The following HIBADH variants were observed in gnomAD, a reference collection of about 807,000 sequenced individuals.
The protein encoded by HIBADH is 3-hydroxyisobutyrate dehydrogenase, mitochondrial.
HIBADH carries 25 observed loss-of-function variants against 36.1 expected under a neutral mutation model. That is an observed-to-expected ratio of 0.69 (90% CI 0.50 to 0.97). The LOEUF is 0.97. Among genes scored for constraint, HIBADH ranks in the 50% least tolerant of loss-of-function variants. The pLI, the probability that HIBADH is intolerant of heterozygous loss-of-function variation, is 0.00. For missense variants in HIBADH, 421 were observed against 418.0 expected (o/e 1.01, Z -0.06); for synonymous variants, 160 against 149.5 (o/e 1.07, Z -0.51).
chr7:27,596,314 C>T (rs1367204466), intron 4 of HIBADH, among the ~76,000 whole-genome samples: 1 of 152,172 alleles, frequency 6.6e-6, no homozygotes, highest in Non-Finnish European at 1.5e-5. Flanking sequence ...CATTATTAAT[C>T]CATTCACAAG....
At chr7:27,613,082 A>G (rs987535605) in intron 4 of HIBADH, among the ~76,000 whole-genome samples, 1 of 124,736 alleles carries the variant, frequency 8.0e-6, no homozygotes, top group African/African-American at 3.0e-5. Context: ...TACATATAAA[A>G]ATTATATAAA....
intron 4 of HIBADH, among the ~76,000 whole-genome samples, chr7:27,595,870 C>A (rs912632822): frequency 7.2e-5 from 11 of 151,796 alleles, no homozygotes; most frequent in Non-Finnish European, 1.5e-4. Context: ...AATAAATGTT[C>A]TTAAAATGCT....
In HIBADH at chr7:27,543,043, T is replaced by A. The variant is rs1784179922; in HGVS notation, c.542A>T (p.Glu181Val). The A allele has an allele frequency of 1.2e-6, 2 of 1,613,760 alleles. No individual in the cohort carries two copies. Among genetic ancestry groups the A allele is most frequent in the South Asian group, 2.2e-5 (2 of 91,062 alleles). Residue 181 changes from glutamate (E) to valine (V), a missense_variant, in exon 5 of 8, where the codon GAA becomes GTA. Physicochemically the swap from Glu to Val is moderately radical, Grantham distance 121 (BLOSUM62 -2). Transcript: ENST00000265395. ...CAGCAACTCTTGGGCAGCAGCAAAT[T>A]CATCTTCAACTCCTCCCACCATAAA... The part of the protein sequence containing the change: ...LTFMVGGVED[E>V]FAAAQELLGC...
At position 27,588,625 on chromosome 7, in the gene HIBADH, C is replaced by T. The variant is rs181697885; in HGVS notation, c.484+40746G>A. The stretch of plus-strand genomic sequence containing the variant: ...GGATTACAGGGATGAGCCACCACAC[C>T]TGGCCCAGTATAGAGTATTTTAAAA... On this transcript the variant is annotated intron_variant, in intron 4 of 7. Transcript: ENST00000265395. Among the ~76,000 whole-genome samples the T allele has an allele frequency of 1.1e-3, 160 of 152,346 alleles. 1 individual carries two copies. Among genetic ancestry groups the T allele is most frequent in the Non-Finnish European group, 1.9e-3 (129 of 68,042 alleles).
chr7:27,618,918 C>T (rs979003903), intron 4 of HIBADH, among the ~76,000 whole-genome samples: 11 of 152,146 alleles, frequency 7.2e-5, no homozygotes, highest in African/African-American at 2.7e-4. Flanking sequence ...AAGGACAGCA[C>T]CAAGGGGATG....
chr7:27,629,296 T>G (rs1785703851), intron 4 of HIBADH, 75 bp downstream of exon 4: 1 of 1,446,086 alleles, frequency 6.9e-7, no homozygotes. Flanking sequence ...TACAAAACCA[T>G]ATGGTACAAC....
intron 4 of HIBADH, among the ~76,000 whole-genome samples, chr7:27,628,558 T>G (rs1785688518): frequency 6.6e-6 from 1 of 152,128 alleles, no homozygotes; most frequent in African/African-American, 2.4e-5. Context: ...CTGCTATTAA[T>G]GTATGAGTTA....
At chr7:27,614,761 G>A (rs1785397171) in intron 4 of HIBADH, among the ~76,000 whole-genome samples, 1 of 152,114 alleles carries the variant, frequency 6.6e-6, no homozygotes, top group Admixed American at 6.6e-5. Context: ...GATATGTCAA[G>A]GTATCACTTT....
chr7:27,599,956 ATC>A (rs1785100889), intron 4 of HIBADH, among the ~76,000 whole-genome samples: 1 of 152,174 alleles, frequency 6.6e-6, no homozygotes, highest in African/African-American at 2.4e-5. Context: ...GGAAAAAAAA[ATC>A]AAAGTTTAAG....
intron 4 of HIBADH, among the ~76,000 whole-genome samples, chr7:27,545,969 G>A (rs2128184816): frequency 6.6e-6 from 1 of 152,260 alleles, no homozygotes. Flanking sequence ...TTTGTTTTGG[G>A]GATGTGCCAC....
At chr7:27,529,014 C>T (rs942296126) in intron 7 of HIBADH, among the ~76,000 whole-genome samples, 2 of 152,204 alleles carry the variant, frequency 1.3e-5, no homozygotes, top group African/African-American at 4.8e-5. Flanking sequence ...TCTGCCTGTG[C>T]TCTCCAAATG....
intron 4 of HIBADH, among the ~76,000 whole-genome samples, chr7:27,571,384 G>T (rs909832619): frequency 1.3e-5 from 2 of 151,840 alleles, no homozygotes; most frequent in Non-Finnish European, 2.9e-5. Flanking sequence ...CACCATGCCC[G>T]GCTAATTTTC....
At chr7:27,559,646 CAAT>C (rs765789852) in intron 4 of HIBADH, among the ~76,000 whole-genome samples, 4 of 151,816 alleles carry the variant, frequency 2.6e-5, no homozygotes, top group Non-Finnish European at 4.4e-5. Context: ...CAAAAAACAA[CAAT>C]AACAAAAAAA....
chr7:27,633,340 T>C (rs11764753), intron 2 of HIBADH, among the ~76,000 whole-genome samples: 120,465 of 152,104 alleles, frequency 0.79, 48,086 homozygotes, highest in East Asian at 0.97. Flanking sequence ...CAGGAGCTCC[T>C]TCCTTGACTC....
At chr7:27,537,126 A>C (rs936108019) in intron 6 of HIBADH, among the ~76,000 whole-genome samples, 2 of 152,194 alleles carry the variant, frequency 1.3e-5, no homozygotes, top group Non-Finnish European at 2.9e-5. Context: ...CAATACAAAC[A>C]TAACACTGAA....
At chr7:27,580,083 T>C (rs1440612823) in intron 4 of HIBADH, among the ~76,000 whole-genome samples, 1 of 152,224 alleles carries the variant, frequency 6.6e-6, no homozygotes, top group Non-Finnish European at 1.5e-5. Flanking sequence ...TACATGTGGC[T>C]GTTTTCTACG....
At chr7:27,531,062 G>A (rs1783990454) in intron 7 of HIBADH, 130 bp downstream of exon 7, 1 of 863,834 alleles carries the variant, frequency 1.2e-6, no homozygotes, top group African/African-American at 1.7e-5. Context: ...CTCATTTTCA[G>A]TGAGAGTGAA....
intron 3 of HIBADH, among the ~76,000 whole-genome samples, chr7:27,630,940 A>C (rs1222505913): frequency 6.6e-6 from 1 of 152,168 alleles, no homozygotes; most frequent in East Asian, 1.9e-4. Flanking sequence ...TAAGATCTTA[A>C]ACCTTTCAAC....
chr7:27,627,022 A>G (rs367609181), intron 4 of HIBADH, among the ~76,000 whole-genome samples: 1 of 152,294 alleles, frequency 6.6e-6, no homozygotes, highest in South Asian at 2.1e-4. Flanking sequence ...GAGTTGATGG[A>G]GAACTACAAG....
Sources: allele counts gnomAD v4.1 joint callset (sites outside exome capture counted in the v4.1 genomes callset), GRCh38; gene constraint gnomAD v4.1.1; transcripts MANE v1.5; gene names NCBI Gene and HGNC (gene_info 2026-07-23, HGNC 2026-07-21).